The following CASR variants were observed in gnomAD, a reference collection of about 807,000 sequenced individuals.
The protein encoded by CASR is calcium sensing receptor, also known as extracellular calcium-sensing receptor.
In CASR, 23 loss-of-function variants were observed where a neutral mutation model predicts 69.1. That is an observed-to-expected ratio of 0.33 (90% confidence interval 0.24 to 0.47). CASR has a LOEUF of 0.47. Among genes scored for constraint, CASR ranks in the 20% least tolerant of loss-of-function variants. The pLI is 1.00. For missense variants in CASR, 924 were observed against 1,356.1 expected (o/e 0.68, Z 5.00); for synonymous variants, 541 against 544.7 (o/e 0.99, Z 0.10).
At chr3:122,232,392 C>G (rs1349908940) in intron 1 of CASR, among the ~76,000 whole-genome samples, 1 of 152,024 alleles carries the variant, frequency 6.6e-6, no homozygotes, top group Non-Finnish European at 1.5e-5. Flanking sequence ...GGTGTTTGAG[C>G]CACTGAAGGA....
chr3:122,257,574 G>C, intron 3 of CASR, 187 bp downstream of exon 3: 1 of 567,394 alleles, frequency 1.8e-6, no homozygotes, highest in Non-Finnish European at 3.1e-6. Flanking sequence ...CAATATCAAT[G>C]ATACCTTCAC....
At chr3:122,193,666 C>A (rs1377649565) in intron 1 of CASR, among the ~76,000 whole-genome samples, 1 of 152,176 alleles carries the variant, frequency 6.6e-6, no homozygotes, top group African/African-American at 2.4e-5. Context: ...AATACATATA[C>A]CTGCTCTCTA....
intron 1 of CASR, among the ~76,000 whole-genome samples, chr3:122,244,373 C>T (rs1025713255): frequency 2.6e-5 from 4 of 151,902 alleles, no homozygotes; most frequent in Admixed American, 1.3e-4. Flanking sequence ...TTCATTAAAA[C>T]CCCAAAGCGT....
At chr3:122,212,552 G>C (rs972980879) in intron 1 of CASR, among the ~76,000 whole-genome samples, 12 of 151,962 alleles carry the variant, frequency 7.9e-5, no homozygotes, top group Middle Eastern at 3.4e-3. Context: ...ATGTATACCG[G>C]AACTTAAAAT....
chr3:122,257,192 C>A lies in CASR; in HGVS notation c.297C>A (p.Asp99Glu). The A allele has an allele frequency of 6.2e-7, 1 of 1,614,150 alleles. No individual in the cohort carries two copies. Among genetic ancestry groups the A allele is most frequent in the Non-Finnish European group, 8.5e-7 (1 of 1,180,018 alleles). ...TGACGCTGGGATACAGGATATTTGACACTTGCAACACCGTTTCTAAGGCCT... is the reference window on the plus strand; with the variant it reads ...TGACGCTGGGATACAGGATATTTGAAACTTGCAACACCGTTTCTAAGGCCT... ...PNLTLGYRIFDTCNTVSKALE... is the reference protein window; with the variant it reads ...PNLTLGYRIFETCNTVSKALE... The change falls in exon 3 of 7, where the codon GAC becomes GAA. Residue 99 changes from aspartate to glutamate, a missense_variant. Asp to Glu is a conservative substitution (Grantham distance 45). Transcript: ENST00000639785.
chr3:122,190,116 ACACT>A (rs2073825397), intron 1 of CASR, among the ~76,000 whole-genome samples: 1 of 152,212 alleles, frequency 6.6e-6, no homozygotes, highest in South Asian at 2.1e-4. Flanking sequence ...GGTGGGAGTG[ACACT>A]CAGGCTGAGG....
intron 1 of CASR, chr3:122,245,415 T>C (rs3863977): frequency 0.67 from 101,731 of 152,028 alleles, 34,301 homozygotes; most frequent in Admixed American, 0.78. Context: ...CAGAATTCCA[T>C]CAATGAGATC....
At position 122,257,537 on chromosome 3, in the gene CASR, T is replaced by C. The variant is rs189284994; in HGVS notation, c.492+150T>C. 1.1e-3 allele frequency: 647 copies of C among 611,100 alleles called. 1 individual carries two copies. Among genetic ancestry groups the C allele is most frequent in the Non-Finnish European group, 1.6e-3 (553 of 350,458 alleles). The allele number at this position is 611,100 out of a possible 1,614,324, so 37.9% of individuals were successfully genotyped here. On this transcript the variant is annotated intron_variant, in intron 3 of 6. Transcript: ENST00000639785. ...AGTTGATATGCTGTATCATGACCAT[T>C]TGGGATTTCTGAAACTCCAGTGTCC...
intron 1 of CASR, among the ~76,000 whole-genome samples, chr3:122,217,820 T>A (rs1372621764): frequency 1.3e-4 from 20 of 151,658 alleles, no homozygotes; most frequent in Non-Finnish European, 7.4e-5. Flanking sequence ...GAAAAAAAAA[T>A]GTTCAATAAA....
intron 5 of CASR, among the ~76,000 whole-genome samples, chr3:122,278,377 A>G (rs2074847363): frequency 6.6e-6 from 1 of 152,078 alleles, no homozygotes; most frequent in Non-Finnish European, 1.5e-5. Flanking sequence ...GTCAGTATAA[A>G]AGCTGAGACT....
intron 1 of CASR, among the ~76,000 whole-genome samples, chr3:122,203,374 C>A (rs2073976402): frequency 6.6e-6 from 1 of 152,158 alleles, no homozygotes; most frequent in Admixed American, 6.6e-5. Flanking sequence ...ACAGAGTACA[C>A]CTACCCAAAC....
intron 5 of CASR, among the ~76,000 whole-genome samples, chr3:122,277,388 G>A (rs77663377): frequency 0.036 from 5,495 of 152,092 alleles, 150 homozygotes; most frequent in Non-Finnish European, 0.051. Flanking sequence ...GACTCGCTTC[G>A]TCTTCTTATC....
intron 1 of CASR, among the ~76,000 whole-genome samples, chr3:122,253,440 A>G (rs552412604): frequency 6.6e-5 from 10 of 152,242 alleles, no homozygotes; most frequent in Admixed American, 1.3e-4. Context: ...ACAGGGTTTC[A>G]CCATGTTGGT....
chr3:122,258,552 C>A (rs1422872174), intron 3 of CASR, among the ~76,000 whole-genome samples: 1 of 152,092 alleles, frequency 6.6e-6, no homozygotes, highest in East Asian at 1.9e-4. Flanking sequence ...TGCGTATATT[C>A]AAACTTAGAT....
chr3:122,219,019 A>G (rs2074145487), intron 1 of CASR, among the ~76,000 whole-genome samples: 1 of 152,192 alleles, frequency 6.6e-6, no homozygotes, highest in Non-Finnish European at 1.5e-5. Context: ...TATTCCAGGA[A>G]TAGGTGGGAA....
chr3:122,195,745 AC>A (rs1303956593), intron 1 of CASR, among the ~76,000 whole-genome samples: 1 of 152,196 alleles, frequency 6.6e-6, no homozygotes, highest in Non-Finnish European at 1.5e-5. Flanking sequence ...AAGTGGAACA[AC>A]CTAGATTCAA....
chr3:122,187,906 T>C (rs1576810352), intron 1 of CASR, among the ~76,000 whole-genome samples: 1 of 152,198 alleles, frequency 6.6e-6, no homozygotes, highest in East Asian at 1.9e-4. Flanking sequence ...TGAGTCGTGG[T>C]TCTGCCACTT....
intron 1 of CASR, among the ~76,000 whole-genome samples, chr3:122,187,019 A>T (rs1219881392): frequency 1.3e-5 from 2 of 152,230 alleles, no homozygotes; most frequent in African/African-American, 2.4e-5. Flanking sequence ...AAATGTTTCA[A>T]TTAACTTTAT....
intron 1 of CASR, among the ~76,000 whole-genome samples, chr3:122,188,852 T>G (rs1474926483): frequency 1.3e-5 from 2 of 152,170 alleles, no homozygotes; most frequent in African/African-American, 2.4e-5. Flanking sequence ...TCCATGAGAA[T>G]TAGAGGATTC....
Sources: gnomAD v4.1 joint callset for allele counts (sites outside exome capture counted in the v4.1 genomes callset) on GRCh38, gnomAD v4.1.1 for gene constraint, MANE v1.5 for transcripts, NCBI Gene and HGNC (gene_info 2026-07-23, HGNC 2026-07-21) for gene names.